Variants in PITPNC1 observed in about 807,000 individuals in gnomAD.
PITPNC1 encodes cytoplasmic phosphatidylinositol transfer protein 1.
A neutral mutation model predicts 44.7 loss-of-function variants in PITPNC1; 18 were observed. That is an observed-to-expected ratio of 0.40 (90% CI 0.28 to 0.60). The LOEUF is 0.60. Among genes scored for constraint, PITPNC1 ranks in the 20% least tolerant of loss-of-function variants. The probability of loss-of-function intolerance (pLI) is 0.39; values close to 1 mark genes in which losing one functional copy is unlikely to be tolerated. For missense variants in PITPNC1, 290 were observed against 418.4 expected (o/e 0.69, Z 2.68); for synonymous variants, 141 against 149.6 (o/e 0.94, Z 0.42).
intron 1 of PITPNC1, among the ~76,000 whole-genome samples, chr17:67,427,966 T>G (rs1193075149): frequency 6.6e-6 from 1 of 152,120 alleles, no homozygotes; most frequent in Non-Finnish European, 1.5e-5. Context: ...TCCTTGACGA[T>G]CAGTCTTCTA....
chr17:67,434,239 C>T (rs2038899974), intron 1 of PITPNC1, among the ~76,000 whole-genome samples: 1 of 152,210 alleles, frequency 6.6e-6, no homozygotes, highest in South Asian at 2.1e-4. Context: ...CCACAGAGTC[C>T]TGTGTTACCC....
At chr17:67,583,433 C>T (rs1454146711) in intron 5 of PITPNC1, among the ~76,000 whole-genome samples, 1 of 151,650 alleles carries the variant, frequency 6.6e-6, no homozygotes, top group African/African-American at 2.4e-5. Flanking sequence ...ACTAAAAATA[C>T]AAAAATTAGC....
intron 1 of PITPNC1, among the ~76,000 whole-genome samples, chr17:67,521,258 C>T (rs1022374488): frequency 6.6e-6 from 1 of 152,144 alleles, no homozygotes; most frequent in Non-Finnish European, 1.5e-5. Context: ...GCGTCCAATA[C>T]AGTTTATATT....
intron 1 of PITPNC1, chr17:67,459,695 A>G (rs1348755823): frequency 1.3e-5 from 2 of 152,168 alleles, no homozygotes; most frequent in African/African-American, 2.4e-5. Flanking sequence ...CTGGACATCA[A>G]GGTTCTCCGG....
In PITPNC1 at chr17:67,407,790, G is replaced by A. The variant is rs2038422850; in HGVS notation, c.48+29588G>A. The stretch of plus-strand genomic sequence containing the variant: ...GCCTGGGCAACAAGAGCGAAACTCT[G>A]TCTCGGAAAAAAAAAAGAAAAACAA... On this transcript the variant is annotated intron_variant, in intron 1 of 8. Transcript: ENST00000581322. Among the ~76,000 whole-genome samples, 5 of 150,812 alleles carry A rather than the reference G, an allele frequency of 3.3e-5. No homozygotes were observed. In the South Asian group the frequency reaches 1.1e-3, roughly 32 times the overall value.
At position 67,652,446 on chromosome 17, in the gene PITPNC1, C is replaced by T. The variant is rs906371504; in HGVS notation, c.463-17062C>T. 2.0e-5 allele frequency among the ~76,000 whole-genome samples: 3 copies of T among 152,154 alleles called. No individual in the cohort carries two copies. In the South Asian group the frequency reaches 6.2e-4, roughly 32 times the overall value. ...GAGTGGACGCCTTCTAAAGATGTGC[C>T]GAAGTCCATCTGGCCCCAGGGAAAC... On this transcript the variant is annotated intron_variant, in intron 6 of 8. Coordinates refer to ENST00000581322, the MANE Select transcript of PITPNC1 (RefSeq NM_012417.4).
intron 1 of PITPNC1, among the ~76,000 whole-genome samples, chr17:67,439,248 T>A (rs777819982): frequency 6.6e-6 from 1 of 152,224 alleles, no homozygotes; most frequent in Non-Finnish European, 1.5e-5. Flanking sequence ...TTTATTTTAT[T>A]TTACCAAGCA....
At chr17:67,426,408 C>T (rs560383138) in intron 1 of PITPNC1, among the ~76,000 whole-genome samples, 1 of 152,282 alleles carries the variant, frequency 6.6e-6, no homozygotes, top group East Asian at 1.9e-4. Context: ...TACATATACA[C>T]CATGGAATAC....
chr17:67,673,095 C>T (rs1322851907), intron 7 of PITPNC1, among the ~76,000 whole-genome samples: 3 of 152,106 alleles, frequency 2.0e-5, no homozygotes, highest in South Asian at 2.1e-4. Context: ...TTCTTGTATT[C>T]ATTATGTGTT....
intron 2 of PITPNC1, among the ~76,000 whole-genome samples, chr17:67,541,689 G>C (rs1351303137): frequency 1.3e-5 from 2 of 152,082 alleles, no homozygotes; most frequent in South Asian, 4.1e-4. Flanking sequence ...ACTATATCTA[G>C]AAACTCAAGT....
In PITPNC1 at chr17:67,407,803, A is replaced by T. The variant is rs572785121; in HGVS notation, c.48+29601A>T. On this transcript the variant is annotated intron_variant, in intron 1 of 8. Coordinates refer to ENST00000581322, the MANE Select transcript of PITPNC1 (RefSeq NM_012417.4). ...GAGCGAAACTCTGTCTCGGAAAAAAAAAAGAAAAACAAAAAAAACTAAAAT... is the reference window on the plus strand; with the variant it reads ...GAGCGAAACTCTGTCTCGGAAAAAATAAAGAAAAACAAAAAAAACTAAAAT... Among the ~76,000 whole-genome samples, 366 of 152,222 alleles carry T rather than the reference A, an allele frequency of 2.4e-3. 2 individuals carry two copies. The highest frequency in any genetic ancestry group is 8.4e-3 in the African/African-American group (349 of 41,544).
chr17:67,589,642 C>T (rs1169965366), intron 5 of PITPNC1, among the ~76,000 whole-genome samples: 1 of 150,710 alleles, frequency 6.6e-6, no homozygotes, highest in Non-Finnish European at 1.5e-5. Context: ...ATGCTAAGAC[C>T]GTTGAGCAAA....
rs530193029 is a variant in PITPNC1 at position 67,565,434 on chromosome 17, G to A, written c.294+11817G>A. ...GTACTAGTAATTTTCCATGGTTTTC[G>A]GTGTGTATACTCATTTTCCATGGTT... On this transcript the variant is annotated intron_variant, in intron 4 of 8. Transcript: ENST00000581322. 3.3e-5 allele frequency among the ~76,000 whole-genome samples: 5 copies of A among 150,864 alleles called. No homozygotes were observed. In the South Asian group the frequency reaches 6.3e-4, roughly 19 times the overall value.
intron 1 of PITPNC1, among the ~76,000 whole-genome samples, chr17:67,395,593 CCT>C (rs1035944671): frequency 6.6e-6 from 1 of 152,050 alleles, no homozygotes; most frequent in African/African-American, 2.4e-5. Context: ...CTGAGTTTTC[CCT>C]GACTTAAAAT....
At chr17:67,608,025 C>T (rs1308856688) in intron 5 of PITPNC1, among the ~76,000 whole-genome samples, 1 of 151,914 alleles carries the variant, frequency 6.6e-6, no homozygotes, top group African/African-American at 2.4e-5. Flanking sequence ...CCACCGGCCC[C>T]GGCCTGACCC....
rs117417866 is a variant in PITPNC1 at position 67,398,880 on chromosome 17, G to A, written c.48+20678G>A. Among the ~76,000 whole-genome samples, 1,442 of 152,064 alleles carry A rather than the reference G, an allele frequency of 9.5e-3. 28 individuals are homozygous for A. The highest frequency in any genetic ancestry group is 0.014 in the Middle Eastern group (4 of 294). ...CAAAACGACAATGTTTTTGATTTTC[G>A]CTCAGCTCATGAGGCATGCACTTAT... is the stretch of plus-strand genomic sequence containing the variant. On this transcript the variant is annotated intron_variant, in intron 1 of 8. Coordinates refer to ENST00000581322, the MANE Select transcript of PITPNC1 (RefSeq NM_012417.4).
At chr17:67,584,293 A>G (rs1397752490) in intron 5 of PITPNC1, among the ~76,000 whole-genome samples, 4 of 152,192 alleles carry the variant, frequency 2.6e-5, no homozygotes, top group Admixed American at 6.5e-5. Context: ...CACCAAGGAC[A>G]TTATTTCTTG....
chr17:67,465,200 G>A (rs1308745753), intron 1 of PITPNC1, among the ~76,000 whole-genome samples: 2 of 152,226 alleles, frequency 1.3e-5, no homozygotes, highest in Non-Finnish European at 2.9e-5. Flanking sequence ...GTCTTTGAGT[G>A]ATCGGTCCCC....
intron 5 of PITPNC1, among the ~76,000 whole-genome samples, chr17:67,592,322 T>C (rs751930061): frequency 1.3e-5 from 2 of 152,164 alleles, no homozygotes; most frequent in Non-Finnish European, 1.5e-5. Context: ...ATCTAACTTT[T>C]CTAGACGAAA....
Sources: gnomAD v4.1 joint callset for allele counts (sites outside exome capture counted in the v4.1 genomes callset) on GRCh38, gnomAD v4.1.1 for gene constraint, MANE v1.5 for transcripts, NCBI Gene and HGNC (gene_info 2026-07-23, HGNC 2026-07-21) for gene names.